TRPM3: variants seen among roughly 807,000 people sequenced by gnomAD.
TRPM3 encodes transient receptor potential cation channel subfamily M member 3.
A neutral mutation model predicts 181.2 loss-of-function variants in TRPM3; 77 were observed. The observed-to-expected ratio is 0.42, with a 90% CI of 0.35 to 0.51. The LOEUF (loss-of-function observed/expected upper bound fraction) is 0.51, where lower values mean the gene tolerates loss of function less well. Among genes scored for constraint, TRPM3 ranks in the 20% least tolerant of loss-of-function variants. The probability of loss-of-function intolerance (pLI) is 0.01; values close to 1 mark genes in which losing one functional copy is unlikely to be tolerated. For synonymous variants in TRPM3, 745 were observed against 796.4 expected (o/e 0.94, Z 1.09); for missense variants, 1,759 against 2,196.7 (o/e 0.80, Z 3.98).
chr9:70,677,462 TG>T (rs756961579), intron 9 of TRPM3, among the ~76,000 whole-genome samples: 30 of 152,236 alleles, frequency 2.0e-4, no homozygotes, highest in Non-Finnish European at 4.0e-4. Flanking sequence ...AATTCTTTCC[TG>T]GGCAAAGCCA....
At chr9:71,441,630 C>CTTT (rs559254034) in intron 1 of TRPM3, among the ~76,000 whole-genome samples, 10 of 114,568 alleles carry the variant, frequency 8.7e-5, no homozygotes, top group Non-Finnish European at 1.3e-4. Context: ...TTTGACTCGG[C>CTTT]TTTTTTTTTT....
At chr9:71,077,375 C>T (rs1354359788) in intron 1 of TRPM3, among the ~76,000 whole-genome samples, 1 of 152,176 alleles carries the variant, frequency 6.6e-6, no homozygotes, top group Non-Finnish European at 1.5e-5. Context: ...GGCCAGTTCG[C>T]AAAACTCTTT....
chr9:71,219,247 G>A (rs2080089282), intron 1 of TRPM3, among the ~76,000 whole-genome samples: 1 of 152,096 alleles, frequency 6.6e-6, no homozygotes, highest in Non-Finnish European at 1.5e-5. Flanking sequence ...GATGTCAATT[G>A]CCATTAAAAA....
chr9:71,053,801 C>T (rs555172309), intron 1 of TRPM3, among the ~76,000 whole-genome samples: 13 of 152,104 alleles, frequency 8.5e-5, no homozygotes, highest in African/African-American at 2.2e-4. Context: ...AGATTTTTCT[C>T]GAAGTTACTC....
chr9:70,804,042 C>G (rs2090027010), intron 6 of TRPM3, among the ~76,000 whole-genome samples: 1 of 151,988 alleles, frequency 6.6e-6, no homozygotes, highest in South Asian at 2.1e-4. Context: ...TCAAAATGTA[C>G]TGTTCTGGCC....
intron 5 of TRPM3, among the ~76,000 whole-genome samples, chr9:70,831,989 A>ATTTATATATATATATATT (rs1564497684): frequency 6.1e-5 from 7 of 115,698 alleles, no homozygotes; most frequent in African/African-American, 2.5e-4. Flanking sequence ...ATATATATAT[A>ATTTATATATATATATATT]TATATATACC....
chr9:70,536,037 C>A lies in TRPM3; in HGVS notation c.5076G>T (p.Lys1692Asn). Reference protein sequence around the residue: ...RNPFQRSKSSKPEGRGDSLSM... With the variant: ...RNPFQRSKSSNPEGRGDSLSM... ...ACAGGCTGTCCCCTCGGCCCTCCGG[C>A]TTGGAGGACTTGCTTCTCTGGAAGG... Residue 1692 changes from lysine to asparagine, a missense_variant, in exon 26 of 26, where the codon AAG becomes AAT. Transcript: ENST00000677713. 6.2e-7 allele frequency: 1 copy of A among 1,614,176 alleles called. No individual in the cohort carries two copies. The highest frequency in any genetic ancestry group is 1.7e-5 in the Admixed American group (1 of 60,022).
intron 12 of TRPM3, among the ~76,000 whole-genome samples, chr9:70,630,868 G>A (rs937622997): frequency 1.3e-5 from 2 of 152,180 alleles, no homozygotes; most frequent in African/African-American, 4.8e-5. Context: ...TTCGTGCCAT[G>A]CATAAGGAAA....
chr9:71,366,083 T>C lies in TRPM3; in HGVS notation c.183+80570A>G, dbSNP rs530170231. On this transcript the variant is annotated intron_variant, in intron 1 of 24. Transcript: ENST00000357533. ...AGAGCTTTTCAGAGATTGGTCATCA[T>C]AGGAAATTTACAAATATAGTATCTG... Among the ~76,000 whole-genome samples, 297 of 152,280 alleles carry C rather than the reference T, an allele frequency of 2.0e-3. 1 individual carries two copies. Among genetic ancestry groups the C allele is most frequent in the African/African-American group, 6.8e-3 (281 of 41,554 alleles).
chr9:70,678,174 T>C (rs1349443028), intron 9 of TRPM3, among the ~76,000 whole-genome samples: 24 of 152,178 alleles, frequency 1.6e-4, no homozygotes, highest in Non-Finnish European at 1.2e-4. Flanking sequence ...AAATGTGACA[T>C]TGCCCATTCT....
chr9:71,330,456 T>C (rs1049447059), intron 1 of TRPM3, among the ~76,000 whole-genome samples: 2 of 151,802 alleles, frequency 1.3e-5, no homozygotes, highest in African/African-American at 4.8e-5. Context: ...AATGAGCATA[T>C]TTATTGAATG....
intron 1 of TRPM3, among the ~76,000 whole-genome samples, chr9:71,059,858 C>T (rs755523550): frequency 6.6e-6 from 1 of 152,004 alleles, no homozygotes. Flanking sequence ...CACACATACA[C>T]CCTATTGATT....
chr9:70,987,756 A>G (rs79883369), intron 1 of TRPM3, among the ~76,000 whole-genome samples: 31 of 152,218 alleles, frequency 2.0e-4, no homozygotes, highest in African/African-American at 6.3e-4. Context: ...AACAATGATT[A>G]ATTCTCTGTT....
At chr9:71,098,678 C>T (rs1258258037) in intron 1 of TRPM3, among the ~76,000 whole-genome samples, 2 of 152,172 alleles carry the variant, frequency 1.3e-5, no homozygotes, top group Non-Finnish European at 2.9e-5. Context: ...AGATAACTCC[C>T]ATTCCCTGAC....
intron 1 of TRPM3, among the ~76,000 whole-genome samples, chr9:71,264,505 A>G (rs1273699354): frequency 6.6e-6 from 1 of 152,224 alleles, no homozygotes; most frequent in South Asian, 2.1e-4. Flanking sequence ...GCATAAAAAT[A>G]GCCTCCTCTT....
At chr9:71,265,227 G>T (rs2083306774) in intron 1 of TRPM3, among the ~76,000 whole-genome samples, 1 of 152,014 alleles carries the variant, frequency 6.6e-6, no homozygotes, top group South Asian at 2.1e-4. Context: ...ATTTTAAATG[G>T]CAAGAAGTTT....
chr9:70,675,166 T>C (rs1302009537), intron 9 of TRPM3, among the ~76,000 whole-genome samples: 1 of 152,182 alleles, frequency 6.6e-6, no homozygotes, highest in African/African-American at 2.4e-5. Flanking sequence ...AATGGCATGA[T>C]CTCGGCTCAC....
At chr9:70,847,722 C>T (rs2095038626) in intron 3 of TRPM3, among the ~76,000 whole-genome samples, 2 of 152,178 alleles carry the variant, frequency 1.3e-5, no homozygotes, top group South Asian at 4.1e-4. Flanking sequence ...TCAACCTTGA[C>T]TCTAGGTGGA....
intron 1 of TRPM3, chr9:70,869,051 C>G (rs1013243705): frequency 4.1e-6 from 4 of 985,174 alleles, no homozygotes; most frequent in Middle Eastern, 5.2e-4. Context: ...TTTCATTTTG[C>G]TGCAGCTAGG....
Sources: allele counts gnomAD v4.1 joint callset (sites outside exome capture counted in the v4.1 genomes callset), GRCh38; gene constraint gnomAD v4.1.1; transcripts MANE v1.5; gene names NCBI Gene and HGNC (gene_info 2026-07-23, HGNC 2026-07-21).